RRAS2: variants seen among roughly 807,000 people sequenced by gnomAD.
RRAS2 encodes the protein ras-related protein R-Ras2.
RRAS2 carries 7 observed loss-of-function variants against 27.6 expected under a neutral mutation model. That is an observed-to-expected ratio of 0.25 (90% CI 0.14 to 0.48). The LOEUF (loss-of-function observed/expected upper bound fraction) is 0.48. Among genes scored for constraint, RRAS2 ranks in the 20% least tolerant of loss-of-function variants. The pLI, the probability that RRAS2 is intolerant of heterozygous loss-of-function variation, is 0.99. For synonymous variants in RRAS2, 86 were observed against 90.9 expected, an observed-to-expected ratio of 0.95 and a Z score of 0.31; for missense variants, 178 against 256.2, an observed-to-expected ratio of 0.69 and a Z score of 2.08.
intron 4 of RRAS2, among the ~76,000 whole-genome samples, chr11:14,290,239 G>GGA (rs1490049188): frequency 6.6e-6 from 1 of 152,160 alleles, no homozygotes; most frequent in Non-Finnish European, 1.5e-5. Flanking sequence ...CACAAGATCA[G>GGA]GAGTTTGAGA....
intron 1 of RRAS2, among the ~76,000 whole-genome samples, chr11:14,352,328 TAAA>T (rs1231697108): frequency 9.8e-5 from 15 of 152,316 alleles, no homozygotes; most frequent in Non-Finnish European, 1.8e-4. Flanking sequence ...TATAAAACAC[TAAA>T]AATAAAATAT....
At chr11:14,331,368 A>G (rs1170944248) in intron 1 of RRAS2, among the ~76,000 whole-genome samples, 2 of 152,246 alleles carry the variant, frequency 1.3e-5, no homozygotes, top group Non-Finnish European at 2.9e-5. Context: ...ATCCATTTCT[A>G]CAGATATCAA....
intron 1 of RRAS2, among the ~76,000 whole-genome samples, chr11:14,338,253 T>C (rs538611845): frequency 1.3e-5 from 2 of 152,270 alleles, no homozygotes; most frequent in South Asian, 4.1e-4. Flanking sequence ...ATCCCCATTA[T>C]ATTGATGAGG....
At chr11:14,364,346 G>A in intron 1 of RRAS2, 2 of 1,531,526 alleles carry the variant, frequency 1.3e-6, no homozygotes, top group South Asian at 1.2e-5. Context: ...AAGACCTGTT[G>A]GCCAAAGAAG....
rs554272748 is a variant in RRAS2, at chr11:14,364,394, G to T, written c.-127C>A. On this transcript the variant is annotated 5_prime_UTR_variant, in exon 1 of 6. Coordinates refer to the RRAS2 transcript ENST00000529237. ...GATCAGAGCCTGCAATACTTACCAT[G>T]GGTGATGGAGGAGCATCATCCACTT... is the stretch of plus-strand genomic sequence containing the variant. 281 of 1,535,940 alleles carry T rather than the reference G, an allele frequency of 1.8e-4. 1 individual carries two copies. In the South Asian group the frequency reaches 3.1e-3, roughly 17 times the overall value.
Position 14,278,489 on chromosome 11 carries a change from A to G in RRAS2, c.*848T>C, listed in dbSNP as rs1849434323. Reference sequence around the variant, plus strand: ...ATGTATAAAAGTATATAGCAAAAACATTAATCATCTCTGACCCTGGAAAGA... The same window carrying G: ...ATGTATAAAAGTATATAGCAAAAACGTTAATCATCTCTGACCCTGGAAAGA... On this transcript the variant is annotated 3_prime_UTR_variant, in exon 6 of 6. Coordinates refer to ENST00000256196, the MANE Select transcript of RRAS2 (RefSeq NM_012250.6). 6.6e-6 allele frequency: 1 copy of G among 152,254 alleles called. No individual in the cohort carries two copies. The highest frequency in any genetic ancestry group is 1.5e-5 in the Non-Finnish European group (1 of 68,038). 9.4% of individuals were successfully genotyped at this position (152,254 alleles called of 1,614,324 possible). A position where few individuals can be genotyped will look rare whatever the true frequency, so the allele number is the denominator to read the frequency against.
chr11:14,310,289 G>C (rs536453515), intron 1 of RRAS2, among the ~76,000 whole-genome samples: 1 of 152,346 alleles, frequency 6.6e-6, no homozygotes, highest in African/African-American at 2.4e-5. Context: ...ACAGAAATGA[G>C]TCTGGGATTC....
chr11:14,315,085 T>C (rs1023149089), intron 1 of RRAS2, among the ~76,000 whole-genome samples: 1 of 152,206 alleles, frequency 6.6e-6, no homozygotes, highest in South Asian at 2.1e-4. Context: ...ACTAAGCCTC[T>C]ACTATTTAAA....
chr11:14,344,146 TA>T (rs200646295), intron 1 of RRAS2, among the ~76,000 whole-genome samples: 7 of 150,692 alleles, frequency 4.6e-5, no homozygotes, highest in Non-Finnish European at 7.4e-5. Flanking sequence ...CAAAATAATT[TA>T]AAAAAAAAAT....
intron 1 of RRAS2, among the ~76,000 whole-genome samples, chr11:14,297,388 C>T (rs1847580421): frequency 6.6e-6 from 1 of 152,190 alleles, no homozygotes; most frequent in African/African-American, 2.4e-5. Flanking sequence ...AAAGAATCCC[C>T]TGGTTTTGGG....
At chr11:14,297,138 G>A (rs1847575280) in intron 1 of RRAS2, among the ~76,000 whole-genome samples, 1 of 152,200 alleles carries the variant, frequency 6.6e-6, no homozygotes. Context: ...TCCTCCATTT[G>A]TTCTGAGTAT....
chr11:14,316,882 G>A (rs1848120152), intron 1 of RRAS2, among the ~76,000 whole-genome samples: 1 of 152,158 alleles, frequency 6.6e-6, no homozygotes, highest in African/African-American at 2.4e-5. Flanking sequence ...AAAAATAAAT[G>A]ACTATCAGTT....
At chr11:14,285,155 T>C (rs193127551) in intron 4 of RRAS2, among the ~76,000 whole-genome samples, 78 of 152,358 alleles carry the variant, frequency 5.1e-4, no homozygotes, top group Middle Eastern at 3.4e-3. Context: ...TAACTATATA[T>C]CTGTTATTTC....
chr11:14,357,097 T>A (rs1849096167), intron 1 of RRAS2, among the ~76,000 whole-genome samples: 1 of 152,120 alleles, frequency 6.6e-6, no homozygotes, highest in African/African-American at 2.4e-5. Context: ...AATTACCGCT[T>A]TCTTAATGGT....
Position 14,358,789 on chromosome 11 carries a change from A to T in RRAS2, c.82T>A (p.Ser28Thr). 1 of 1,482,564 alleles carries T rather than the reference A, an allele frequency of 6.7e-7. No homozygotes were observed. The highest frequency in any genetic ancestry group is 9.0e-7 in the Non-Finnish European group (1 of 1,109,540). 91.8% of individuals were successfully genotyped at this position (1,482,564 alleles called of 1,614,324 possible). A position where few individuals can be genotyped will look rare whatever the true frequency, so the allele number is the denominator to read the frequency against. ...VVVGGGGVGK[S>T]ALTIQFIQSY... Reference sequence around the variant, plus strand: ...TGGATGAACTGGATGGTGAGCGCCGACTTGCCCACGCCGCCCCCGCCGACC... The same window carrying T: ...TGGATGAACTGGATGGTGAGCGCCGTCTTGCCCACGCCGCCCCCGCCGACC... The change falls in exon 1 of 6, where the codon TCG (serine) becomes ACG (threonine). Residue 28 changes from serine (S) to threonine (T), a missense_variant. Ser to Thr is a moderately conservative substitution (Grantham distance 58). Transcript: ENST00000256196. This position sits in a 1 kb window ranked among gnomAD's most constrained non-coding sequence, Gnocchi z 5.1.
intron 1 of RRAS2, among the ~76,000 whole-genome samples, chr11:14,299,235 G>A (rs1171981649): frequency 1.3e-5 from 2 of 152,208 alleles, no homozygotes; most frequent in South Asian, 2.1e-4. Context: ...AAGCTCAGGA[G>A]TAGCTGTAAT....
chr11:14,331,073 C>T (rs530876063), intron 1 of RRAS2, among the ~76,000 whole-genome samples: 8 of 152,220 alleles, frequency 5.3e-5, no homozygotes, highest in Admixed American at 1.3e-4. Context: ...TGAGCCACTG[C>T]GCCTGACCCT....
At chr11:14,361,477 C>G (rs996505974), upstream of RRAS2, among the ~76,000 whole-genome samples, 21 of 149,756 alleles carry the variant, frequency 1.4e-4, no homozygotes, top group Non-Finnish European at 2.4e-4. Context: ...TTCAGTGAGC[C>G]GAGCTCGGGG....
intron 4 of RRAS2, among the ~76,000 whole-genome samples, chr11:14,292,415 T>C (rs1047530760): frequency 6.6e-6 from 1 of 152,114 alleles, no homozygotes; most frequent in Non-Finnish European, 1.5e-5. Context: ...CAGCGAGAGA[T>C]AGGAAGAGAA....
Sources: allele counts gnomAD v4.1 joint callset (sites outside exome capture counted in the v4.1 genomes callset), GRCh38; gene constraint gnomAD v4.1.1; non-coding constraint Gnocchi (gnomAD v3.1); transcripts MANE v1.5; gene names NCBI Gene and HGNC (gene_info 2026-07-23, HGNC 2026-07-21).